Variants in RASAL2 observed in about 807,000 individuals in gnomAD.
RASAL2 encodes the protein ras GTPase-activating protein nGAP.
In RASAL2, 58 loss-of-function variants were observed where a neutral mutation model predicts 128.9. The ratio of observed to expected loss-of-function variants is 0.45; its 90% CI spans 0.36 to 0.56. The LOEUF is 0.56. Among genes scored for constraint, RASAL2 ranks in the 20% least tolerant of loss-of-function variants. The pLI is 0.00. For missense variants in RASAL2, 1,360 were observed against 1,601.6 expected (o/e 0.85, Z 2.57); for synonymous variants, 561 against 580.8 (o/e 0.97, Z 0.49).
chr1:178,412,672 TATAAC>T (rs1424914688), intron 4 of RASAL2, among the ~76,000 whole-genome samples: 1 of 152,206 alleles, frequency 6.6e-6, no homozygotes, highest in Non-Finnish European at 1.5e-5. Flanking sequence ...TTAAGGTAAA[TATAAC>T]ATTATGCCAT....
intron 1 of RASAL2, among the ~76,000 whole-genome samples, chr1:178,108,843 G>T (rs1441367985): frequency 6.6e-6 from 1 of 152,168 alleles, no homozygotes; most frequent in Admixed American, 6.5e-5. Context: ...TCATCGAGTT[G>T]TATAAGTTTT....
At position 178,240,905 on chromosome 1, in the gene RASAL2, A is replaced by G. The variant is rs537408740; in HGVS notation, c.203-42659A>G. Among the ~76,000 whole-genome samples the G allele has an allele frequency of 1.7e-3, 254 of 151,232 alleles. 2 individuals carry two copies. The highest frequency in any genetic ancestry group is 5.9e-3 in the African/African-American group (246 of 41,472). On this transcript the variant is annotated intron_variant, in intron 1 of 17. Coordinates refer to ENST00000367649, the MANE Select transcript of RASAL2 (RefSeq NM_170692.4). Reference sequence around the variant, plus strand: ...GTTTTTAAGGTTCCTTTTTATTTCTATTATAATTATTTTATTTATACATAT... The same window carrying G: ...GTTTTTAAGGTTCCTTTTTATTTCTGTTATAATTATTTTATTTATACATAT...
chr1:178,465,451 A>G (rs906592790), intron 15 of RASAL2, among the ~76,000 whole-genome samples: 4 of 152,224 alleles, frequency 2.6e-5, no homozygotes, highest in Non-Finnish European at 1.5e-5. Flanking sequence ...CAGAGATCCT[A>G]CAGTGCAGAT....
chr1:178,391,286 G>A (rs1672892660), intron 4 of RASAL2, among the ~76,000 whole-genome samples: 1 of 152,012 alleles, frequency 6.6e-6, no homozygotes, highest in Non-Finnish European at 1.5e-5. Flanking sequence ...GAAAAAGTGA[G>A]ATTATATTTA....
At chr1:178,356,804 T>C (rs763053962) in intron 3 of RASAL2, among the ~76,000 whole-genome samples, 1 of 152,184 alleles carries the variant, frequency 6.6e-6, no homozygotes, top group Non-Finnish European at 1.5e-5. Flanking sequence ...GGCGGTATTA[T>C]AATTCATTAA....
Position 178,094,361 on chromosome 1 carries a change from C to A in RASAL2, c.-132C>A. ...GACGGGGAAGGAGGTGAGAGGTGTCCGCGCCGGCTGCCGCTCGGGTCCCTG... is the reference window on the plus strand; with the variant it reads ...GACGGGGAAGGAGGTGAGAGGTGTCAGCGCCGGCTGCCGCTCGGGTCCCTG... On this transcript the variant is annotated 5_prime_UTR_variant, in exon 1 of 18. Coordinates refer to ENST00000367649, the MANE Select transcript of RASAL2 (RefSeq NM_170692.4). The A allele has an allele frequency of 1.2e-6, 1 of 837,448 alleles. No homozygotes were observed. The highest frequency in any genetic ancestry group is 1.8e-6 in the Non-Finnish European group (1 of 570,636). 51.9% of individuals were successfully genotyped at this position (837,448 alleles called of 1,614,324 possible). A position where few individuals can be genotyped will look rare whatever the true frequency, so the allele number is the denominator to read the frequency against.
chr1:178,387,613 G>A (rs962007972), intron 3 of RASAL2, among the ~76,000 whole-genome samples: 9 of 151,514 alleles, frequency 5.9e-5, no homozygotes, highest in African/African-American at 2.2e-4. Context: ...CTATGAGTGA[G>A]AACATGCAGT....
At chr1:178,432,716 A>G (rs1429336126) in intron 5 of RASAL2, among the ~76,000 whole-genome samples, 2 of 151,902 alleles carry the variant, frequency 1.3e-5, no homozygotes, top group Admixed American at 1.3e-4. Context: ...CCTCTCCCCA[A>G]TTCCTCCAGC....
intron 5 of RASAL2, among the ~76,000 whole-genome samples, chr1:178,429,035 C>T (rs1458966841): frequency 1.3e-5 from 2 of 152,208 alleles, no homozygotes; most frequent in East Asian, 3.9e-4. Context: ...ACTTTTCTCT[C>T]ATGGGGTGAT....
intron 1 of RASAL2, among the ~76,000 whole-genome samples, chr1:178,236,339 T>G (rs906935297): frequency 6.6e-6 from 1 of 152,152 alleles, no homozygotes; most frequent in Admixed American, 6.6e-5. Flanking sequence ...GTAATAACCA[T>G]GTACCTGTCT....
chr1:178,174,706 G>C (rs1437230629), intron 1 of RASAL2, among the ~76,000 whole-genome samples: 1 of 152,158 alleles, frequency 6.6e-6, no homozygotes, highest in African/African-American at 2.4e-5. Flanking sequence ...CCTGCTTCCT[G>C]CTTCTGCCTC....
intron 1 of RASAL2, chr1:178,123,311 CTG>C (rs367925681): frequency 6.6e-6 from 1 of 152,148 alleles, no homozygotes; most frequent in African/African-American, 2.4e-5. Flanking sequence ...ACGAGGGTAT[CTG>C]TTTTCAATTT....
chr1:178,208,474 GA>G (rs1184628121), intron 1 of RASAL2, among the ~76,000 whole-genome samples: 4 of 152,026 alleles, frequency 2.6e-5, no homozygotes, highest in Non-Finnish European at 5.9e-5. Flanking sequence ...ACTAGGGTGG[GA>G]AAAAAACTCC....
intron 1 of RASAL2, among the ~76,000 whole-genome samples, chr1:178,212,067 G>A (rs1571637991): frequency 6.6e-6 from 1 of 152,128 alleles, no homozygotes; most frequent in Non-Finnish European, 1.5e-5. Flanking sequence ...AGGAGGTATA[G>A]TATATAGTTT....
chr1:178,375,925 G>T (rs909462763), intron 3 of RASAL2, among the ~76,000 whole-genome samples: 1 of 152,094 alleles, frequency 6.6e-6, no homozygotes, highest in Non-Finnish European at 1.5e-5. Context: ...GGTGGGAGCT[G>T]TTCATCTAGA....
intron 17 of RASAL2, among the ~76,000 whole-genome samples, chr1:178,468,412 A>G (rs533789594): frequency 6.6e-6 from 1 of 152,342 alleles, no homozygotes; most frequent in Admixed American, 6.5e-5. Context: ...AGTAATCAAC[A>G]TATTTTAGAG....
At chr1:178,471,017 T>G (rs1201884986) in intron 17 of RASAL2, among the ~76,000 whole-genome samples, 1 of 152,222 alleles carries the variant, frequency 6.6e-6, no homozygotes, top group East Asian at 1.9e-4. Context: ...GTGGAAACTT[T>G]CAGCTGTTTA....
chr1:178,179,779 T>G (rs1420881296), intron 1 of RASAL2, among the ~76,000 whole-genome samples: 2 of 152,182 alleles, frequency 1.3e-5, no homozygotes, highest in Non-Finnish European at 2.9e-5. Flanking sequence ...TGATCTATTC[T>G]TATCACTGTC....
intron 1 of RASAL2, among the ~76,000 whole-genome samples, chr1:178,233,651 G>A (rs531567083): frequency 1.1e-3 from 172 of 152,198 alleles, no homozygotes; most frequent in Middle Eastern, 6.3e-3. Context: ...CAACAGAGAA[G>A]CCACACCTGG....
Sources: gnomAD v4.1 joint callset for allele counts (sites outside exome capture counted in the v4.1 genomes callset) on GRCh38, gnomAD v4.1.1 for gene constraint, MANE v1.5 for transcripts, NCBI Gene and HGNC (gene_info 2026-07-23, HGNC 2026-07-21) for gene names.